Variants in SRGAP2 observed in about 807,000 individuals in gnomAD.
SRGAP2 encodes SLIT-ROBO Rho GTPase activating protein 2, also known as SLIT-ROBO Rho GTPase-activating protein 2.
A neutral mutation model predicts 57.2 loss-of-function variants in SRGAP2; 15 were observed. The observed-to-expected ratio is 0.26, with a 90% CI of 0.18 to 0.40. The LOEUF (loss-of-function observed/expected upper bound fraction) is 0.40. Ranked by LOEUF, SRGAP2 falls within the 10% of genes least tolerant of loss-of-function variation. The pLI is 1.00. For synonymous variants in SRGAP2, 249 were observed against 248.0 expected (o/e 1.00, Z -0.04); for missense variants, 520 against 669.6 (o/e 0.78, Z 2.47).
At chr1:206,458,140 C>T (rs1346838349) in intron 21 of SRGAP2, among the ~76,000 whole-genome samples, 1 of 152,194 alleles carries the variant, frequency 6.6e-6, no homozygotes, top group East Asian at 1.9e-4. Flanking sequence ...GCAACAACAG[C>T]CTCTTGCCAG....
rs1553380682 is a variant in SRGAP2, at chr1:206,461,334, A to G, written c.3130A>G (p.Thr1044Ala). The change falls in exon 23 of 23, where the codon ACT (threonine) becomes GCT (alanine). Residue 1044 changes from threonine (T) to alanine (A), a missense_variant. This residue lies in a region of SRGAP2 where 478 missense variants were observed against 373.6 expected (regional missense o/e 1.28). Transcript: ENST00000573034. ...ACCACCAGCCACACGGCCCAAGCCC[A>G]CTGTCTTCCCCAAAACAAATGCCAC... Reference protein sequence around the residue: ...VKPPATRPKPTVFPKTNATSP... With the variant: ...VKPPATRPKPAVFPKTNATSP... 1.3e-6 allele frequency: 1 copy of G among 780,794 alleles called. No individual in the cohort carries two copies. Among genetic ancestry groups the G allele is most frequent in the African/African-American group, 1.7e-5 (1 of 59,148 alleles). 48.4% of individuals were successfully genotyped at this position (780,794 alleles called of 1,614,324 possible).
At chr1:206,260,710 G>A (rs1553313356) in intron 2 of SRGAP2, among the ~76,000 whole-genome samples, 1 of 152,196 alleles carries the variant, frequency 6.6e-6, no homozygotes, top group Non-Finnish European at 1.5e-5. Flanking sequence ...ATGGATGGCT[G>A]CCTCCTACTT....
chr1:206,459,045 T>G, intron 22 of SRGAP2, 98 bp downstream of exon 22: 1 of 632,806 alleles, frequency 1.6e-6, no homozygotes, highest in East Asian at 2.7e-5. Context: ...ACAGAATGAT[T>G]ATTTTGTATG....
At chr1:206,378,477 A>G (rs1655412499) in intron 4 of SRGAP2, among the ~76,000 whole-genome samples, 1 of 152,172 alleles carries the variant, frequency 6.6e-6, no homozygotes, top group African/African-American at 2.4e-5. Flanking sequence ...ATAGAGCAAG[A>G]CCTTGTATCT....
chr1:206,307,393 A>G (rs1433394852), intron 3 of SRGAP2, among the ~76,000 whole-genome samples: 1 of 152,250 alleles, frequency 6.6e-6, no homozygotes, highest in Non-Finnish European at 1.5e-5. Flanking sequence ...GGCTTCATCT[A>G]GTGGATCCCG....
At chr1:206,213,680 G>C (rs2102453146) in intron 2 of SRGAP2, among the ~76,000 whole-genome samples, 1 of 152,268 alleles carries the variant, frequency 6.6e-6, no homozygotes, top group South Asian at 2.1e-4. Context: ...AGCACTTTGA[G>C]AGGCCGAGGC....
At chr1:206,253,573 CTTTTTT>C (rs71264673) in intron 2 of SRGAP2, among the ~76,000 whole-genome samples, 1 of 101,664 alleles carries the variant, frequency 9.8e-6, no homozygotes, top group Non-Finnish European at 1.9e-5. Flanking sequence ...TTCTTTCTTT[CTTTTTT>C]TTTTTTTTTT....
chr1:206,445,973 G>C, intron 17 of SRGAP2, 102 bp from the exon 18 acceptor site: 1 of 683,224 alleles, frequency 1.5e-6, no homozygotes, highest in Non-Finnish European at 2.7e-6. Flanking sequence ...GTGGCAATTT[G>C]TGGACCTTCT....
rs534470853 is a variant in SRGAP2, at chr1:206,314,274, A to G, written c.260+10801A>G. Among the ~76,000 whole-genome samples the G allele has an allele frequency of 2.8e-3, 431 of 152,150 alleles. 4 individuals carry two copies. Among genetic ancestry groups the G allele is most frequent in the African/African-American group, 9.9e-3 (410 of 41,500 alleles). On this transcript the variant is annotated intron_variant, in intron 3 of 22. Transcript: ENST00000573034. ...CTCAGCCTCCTGAGTAGCTGGGATT[A>G]TAGGCATGCGCCACGACGCCAGGCT...
chr1:206,317,869 G>T (rs1673168858), intron 3 of SRGAP2, among the ~76,000 whole-genome samples: 1 of 151,580 alleles, frequency 6.6e-6, no homozygotes, highest in South Asian at 2.1e-4. Context: ...AATGAGCACA[G>T]TTCTGCGTCT....
At chr1:206,415,101 G>C (rs1157663812) in intron 10 of SRGAP2, among the ~76,000 whole-genome samples, 2 of 152,164 alleles carry the variant, frequency 1.3e-5, no homozygotes, top group Non-Finnish European at 2.9e-5. Flanking sequence ...AAATGGAAAT[G>C]ATGATGATGA....
chr1:206,372,955 C>T (rs1286263426), intron 4 of SRGAP2, among the ~76,000 whole-genome samples: 3 of 39,646 alleles, frequency 7.6e-5, no homozygotes, highest in Admixed American at 2.8e-4. Context: ...TTCTTTCTTT[C>T]TTTTCTTTCC....
At chr1:206,412,972 A>G (rs781877751) in intron 10 of SRGAP2, among the ~76,000 whole-genome samples, 14 of 152,246 alleles carry the variant, frequency 9.2e-5, no homozygotes, top group Non-Finnish European at 1.6e-4. Flanking sequence ...TGACACAGTT[A>G]TGATCCTTCA....
At chr1:206,304,634 C>T (rs1318970313) in intron 3 of SRGAP2, among the ~76,000 whole-genome samples, 3 of 151,426 alleles carry the variant, frequency 2.0e-5, no homozygotes, top group Non-Finnish European at 4.4e-5. Flanking sequence ...TACAGTTTCT[C>T]TCCATTCCAA....
chr1:206,307,972 G>C (rs1479795005), intron 3 of SRGAP2, among the ~76,000 whole-genome samples: 1 of 152,044 alleles, frequency 6.6e-6, no homozygotes, highest in Admixed American at 6.6e-5. Flanking sequence ...GGGAGGTGCC[G>C]AGAGCAAGCG....
intron 3 of SRGAP2, among the ~76,000 whole-genome samples, chr1:206,333,946 A>G (rs1228985203): frequency 6.6e-5 from 10 of 152,146 alleles, no homozygotes; most frequent in African/African-American, 2.4e-4. Flanking sequence ...TCAGCCCTTT[A>G]AAGTTTTGCC....
chr1:206,230,089 T>C (rs1553306551), intron 2 of SRGAP2, among the ~76,000 whole-genome samples: 3 of 152,256 alleles, frequency 2.0e-5, no homozygotes, highest in African/African-American at 7.2e-5. Flanking sequence ...TTGACTTGAA[T>C]TGTTGAACTA....
In SRGAP2 at chr1:206,398,214, A is replaced by G. The variant is rs1195748492; in HGVS notation, c.832-3207A>G. Among the ~76,000 whole-genome samples the G allele has an allele frequency of 4.6e-5, 7 of 152,270 alleles. No individual in the cohort carries two copies. In the East Asian group the frequency reaches 1.2e-3, roughly 25 times the overall value. On this transcript the variant is annotated intron_variant, in intron 7 of 22. Coordinates refer to ENST00000573034, the MANE Select transcript of SRGAP2 (RefSeq NM_015326.5). Reference sequence around the variant, plus strand: ...GTGAGCAAAATAATGTGCTTCCTGTACTTACTGGGATTCTTCTTGGAACAG... The same window carrying G: ...GTGAGCAAAATAATGTGCTTCCTGTGCTTACTGGGATTCTTCTTGGAACAG...
chr1:206,318,474 G>A (rs1431347624), intron 3 of SRGAP2, among the ~76,000 whole-genome samples: 4 of 152,232 alleles, frequency 2.6e-5, no homozygotes, highest in African/African-American at 9.6e-5. Flanking sequence ...GCGTGGAAAT[G>A]TGTGTCCTTT....
Sources: gnomAD v4.1 joint callset for allele counts (sites outside exome capture counted in the v4.1 genomes callset) on GRCh38, gnomAD v4.1.1 for gene constraint, gnomAD v4.1.1 regional missense constraint, MANE v1.5 for transcripts, NCBI Gene and HGNC (gene_info 2026-07-23, HGNC 2026-07-21) for gene names.